Variants in SMG6 observed in about 807,000 individuals in gnomAD.
The protein encoded by SMG6 is SMG6 nonsense mediated mRNA decay factor, also known as telomerase-binding protein EST1A.
Under a neutral mutation model 142.2 loss-of-function variants are expected in SMG6, and 66 were observed. The ratio of observed to expected loss-of-function variants is 0.46; its 90% confidence interval spans 0.38 to 0.57. The LOEUF is 0.57. SMG6 is among the 20% of genes least tolerant of loss of function. SMG6 has a pLI of 0.00. For missense variants in SMG6, 1,793 were observed against 1,832.0 expected (o/e 0.98, Z 0.39); for synonymous variants, 779 against 702.4 (o/e 1.11, Z -1.72).
At chr17:2,102,408 G>C (rs748537568) in intron 13 of SMG6, among the ~76,000 whole-genome samples, 2 of 151,936 alleles carry the variant, frequency 1.3e-5, no homozygotes, top group Non-Finnish European at 2.9e-5. Flanking sequence ...CCAGGCTGGA[G>C]TGCAGTGGTG....
intron 10 of SMG6, among the ~76,000 whole-genome samples, chr17:2,234,046 C>T (rs1429322513): frequency 5.9e-5 from 9 of 152,110 alleles, no homozygotes; most frequent in Non-Finnish European, 1.3e-4. Flanking sequence ...AGGTGAGAGT[C>T]AGGAGCAGAC....
chr17:2,171,932 T>C (rs2071515896), intron 13 of SMG6, among the ~76,000 whole-genome samples: 1 of 152,080 alleles, frequency 6.6e-6, no homozygotes, highest in African/African-American at 2.4e-5. Flanking sequence ...GCTCGGTGGC[T>C]ACTACTTCCC....
At chr17:2,116,720 C>T (rs1229448919) in intron 13 of SMG6, among the ~76,000 whole-genome samples, 3 of 152,022 alleles carry the variant, frequency 2.0e-5, no homozygotes, top group African/African-American at 7.2e-5. Context: ...TGCACTCCAG[C>T]CTGGGCGGCA....
chr17:2,247,550 A>C (rs892399893), intron 8 of SMG6, among the ~76,000 whole-genome samples: 6 of 152,172 alleles, frequency 3.9e-5, no homozygotes, highest in Non-Finnish European at 8.8e-5. Flanking sequence ...GACTTTGGGA[A>C]GCCAAGGCAG....
At chr17:2,200,120 T>C (rs141851732) in intron 10 of SMG6, 1 of 151,936 alleles carries the variant, frequency 6.6e-6, no homozygotes, top group African/African-American at 2.4e-5. Flanking sequence ...TGGGTTTCGC[T>C]ATGTTGGCTA....
chr17:2,096,474 G>C (rs1046540041), intron 13 of SMG6, among the ~76,000 whole-genome samples: 3 of 152,168 alleles, frequency 2.0e-5, no homozygotes, highest in African/African-American at 7.2e-5. Context: ...CTCCCAAAGT[G>C]CTGGGATTAC....
intron 8 of SMG6, among the ~76,000 whole-genome samples, chr17:2,281,825 T>C (rs1597779533): frequency 6.6e-6 from 1 of 152,184 alleles, no homozygotes; most frequent in African/African-American, 2.4e-5. Flanking sequence ...GTTTTCCACC[T>C]ACCGTGCTCT....
chr17:2,297,443 C>T lies in SMG6; in HGVS notation c.2041-90G>A, dbSNP rs80216380. 1.3e-4 allele frequency: 119 copies of T among 915,832 alleles called. No homozygotes were observed. In the East Asian group the frequency reaches 2.8e-3, roughly 21 times the overall value. 56.7% of individuals were successfully genotyped at this position (915,832 alleles called of 1,614,324 possible). A position where few individuals can be genotyped will look rare whatever the true frequency, so the allele number is the denominator to read the frequency against. On this transcript the variant is annotated intron_variant, in intron 3 of 18. Transcript: ENST00000263073. ...CGGGGCAGACAACCCTTTCACAGTT[C>T]TGCTGATGTTCAGACATCCTATGAA...
chr17:2,101,632 A>C (rs2069009429), intron 13 of SMG6: 1 of 152,206 alleles, frequency 6.6e-6, no homozygotes, highest in Non-Finnish European at 1.5e-5. Context: ...GGGACGTAAT[A>C]AAACCTGCTG....
intron 8 of SMG6, among the ~76,000 whole-genome samples, chr17:2,249,417 C>T (rs775785776): frequency 6.6e-6 from 1 of 152,078 alleles, no homozygotes; most frequent in Non-Finnish European, 1.5e-5. Flanking sequence ...CACCTTAGCC[C>T]GCAAAGTGCT....
intron 4 of SMG6, among the ~76,000 whole-genome samples, chr17:2,294,898 T>TA (rs1171006839): frequency 2.0e-5 from 3 of 150,742 alleles, no homozygotes; most frequent in Non-Finnish European, 4.4e-5. Context: ...TTTTTTGAGA[T>TA]AGAGTCTCAC....
chr17:2,106,654 G>C (rs1466885016), intron 13 of SMG6, among the ~76,000 whole-genome samples: 1 of 152,170 alleles, frequency 6.6e-6, no homozygotes. Flanking sequence ...GAGAGGGAAG[G>C]AGGATGCTGG....
chr17:2,180,120 C>T (rs1408106275), intron 12 of SMG6, among the ~76,000 whole-genome samples: 2 of 152,174 alleles, frequency 1.3e-5, no homozygotes, highest in African/African-American at 2.4e-5. Flanking sequence ...TGAAGCCTGT[C>T]GCTCTACTCC....
At chr17:2,213,938 A>T (rs1183365545) in intron 10 of SMG6, 1 of 152,234 alleles carries the variant, frequency 6.6e-6, no homozygotes, top group Non-Finnish European at 1.5e-5. Context: ...CACTAATAAA[A>T]TAAATTTGTA....
At chr17:2,285,462 T>C (rs1319056443) in intron 6 of SMG6, among the ~76,000 whole-genome samples, 1 of 152,108 alleles carries the variant, frequency 6.6e-6, no homozygotes, top group South Asian at 2.1e-4. Flanking sequence ...TTCAGCACAG[T>C]TGCAACATAC....
At chr17:2,230,339 GA>G in intron 10 of SMG6, among the ~76,000 whole-genome samples, 1 of 34,598 alleles carries the variant, frequency 2.9e-5, no homozygotes, top group East Asian at 9.1e-4. Context: ...AAAAAAAAGG[GA>G]AAACCACAAA....
intron 15 of SMG6, among the ~76,000 whole-genome samples, chr17:2,070,191 C>T (rs1263318999): frequency 1.3e-5 from 2 of 152,224 alleles, no homozygotes; most frequent in African/African-American, 4.8e-5. Flanking sequence ...TCTTCTCTGA[C>T]AGCCTTACAC....
At chr17:2,087,015 G>C in intron 13 of SMG6, 1 of 1,289,426 alleles carries the variant, frequency 7.8e-7, no homozygotes, top group Non-Finnish European at 1.0e-6. Flanking sequence ...TCGTTTCTTA[G>C]TGTGAAAGGA....
At chr17:2,245,210 A>G (rs2151303028) in intron 8 of SMG6, among the ~76,000 whole-genome samples, 2 of 152,312 alleles carry the variant, frequency 1.3e-5, no homozygotes, top group South Asian at 4.1e-4. Flanking sequence ...ATCAAATTGT[A>G]CTTCACCAGC....
Sources: allele counts gnomAD v4.1 joint callset (sites outside exome capture counted in the v4.1 genomes callset), GRCh38; gene constraint gnomAD v4.1.1; transcripts MANE v1.5; gene names NCBI Gene and HGNC (gene_info 2026-07-23, HGNC 2026-07-21).